RARB: variants seen among roughly 807,000 people sequenced by gnomAD.
The protein encoded by RARB is retinoic acid receptor beta, also known as HBV-activated protein.
A neutral mutation model predicts 51.9 loss-of-function variants in RARB; 17 were observed. That is an observed-to-expected ratio of 0.33 (90% CI 0.22 to 0.49). RARB has a LOEUF of 0.49. Among genes scored for constraint, RARB ranks in the 20% least tolerant of loss-of-function variants. The probability of loss-of-function intolerance (pLI) is 0.99; values close to 1 mark genes in which losing one functional copy is unlikely to be tolerated. For missense variants in RARB, 369 were observed against 550.8 expected, an observed-to-expected ratio of 0.67 and a Z score of 3.30; for synonymous variants, 215 against 195.4, an observed-to-expected ratio of 1.10 and a Z score of -0.84.
intron 5 of RARB, among the ~76,000 whole-genome samples, chr3:25,384,982 T>C (rs1706750018): frequency 1.3e-5 from 2 of 152,220 alleles, no homozygotes; most frequent in Admixed American, 1.3e-4. Flanking sequence ...ACAGTCTGTT[T>C]TGTCATAAAT....
chr3:25,442,745 A>G (rs1351338575), intron 1 of RARB, among the ~76,000 whole-genome samples: 1 of 152,120 alleles, frequency 6.6e-6, no homozygotes, highest in Admixed American at 6.5e-5. Flanking sequence ...GGGCCTGGCA[A>G]GTATTTAGCA....
intron 2 of RARB, among the ~76,000 whole-genome samples, chr3:24,926,842 G>T (rs916753601): frequency 6.6e-6 from 1 of 151,992 alleles, no homozygotes; most frequent in Admixed American, 6.6e-5. Context: ...CCCAAATGAG[G>T]TTTAATATAT....
At position 25,042,135 on chromosome 3, in the gene RARB, C is replaced by G. The variant is rs1414588223; in HGVS notation, c.-379-17990C>G. On this transcript the variant is annotated intron_variant, in intron 2 of 11. Coordinates refer to the RARB transcript ENST00000383772. ...ACTGATGCTAATATGGAAATATTAT[C>G]AGACCTTACCATTTTTCTAAAAAAG... 2.6e-5 allele frequency among the ~76,000 whole-genome samples: 4 copies of G among 152,314 alleles called. No homozygotes were observed. The East Asian group carries it at 7.7e-4, about 29-fold the overall frequency.
chr3:24,931,686 A>T (rs541515799), intron 2 of RARB, among the ~76,000 whole-genome samples: 4 of 152,104 alleles, frequency 2.6e-5, no homozygotes, highest in Admixed American at 1.3e-4. Context: ...GTGTCTTTGC[A>T]AGCACCTGTG....
intron 2 of RARB, among the ~76,000 whole-genome samples, chr3:24,922,688 G>T (rs1695243971): frequency 6.6e-6 from 1 of 152,056 alleles, no homozygotes; most frequent in African/African-American, 2.4e-5. Flanking sequence ...CAGCCCAGAG[G>T]TTGATCAAGG....
At chr3:25,343,004 G>C (rs1705276845) in intron 5 of RARB, among the ~76,000 whole-genome samples, 1 of 145,238 alleles carries the variant, frequency 6.9e-6, no homozygotes, top group South Asian at 2.2e-4. Flanking sequence ...CTGATTTCCT[G>C]TTTACATTTT....
Position 25,461,318 on chromosome 3 carries a change from G to T in RARB, c.283G>T (p.Val95Phe). 1.2e-6 allele frequency: 2 copies of T among 1,613,938 alleles called. No individual in the cohort carries two copies. Among genetic ancestry groups the T allele is most frequent in the Non-Finnish European group, 1.7e-6 (2 of 1,179,972 alleles). The stretch of plus-strand genomic sequence containing the variant: ...CAAATCATCAGGGTACCACTATGGG[G>T]TCAGCGCCTGTGAGGGATGTAAGGT... ...QDKSSGYHYG[V>F]SACEGCKGFF... The change falls in exon 2 of 8, where the codon GTC becomes TTC. Residue 95 changes from valine (V) to phenylalanine (F), a missense_variant. Val to Phe is a conservative substitution (Grantham distance 50). This residue lies in a region of RARB where 10 missense variants were observed against 34.0 expected (regional missense o/e 0.29). Coordinates refer to ENST00000330688, the MANE Select transcript of RARB (RefSeq NM_000965.5).
At chr3:24,848,240 G>C (rs1702509826) in intron 1 of RARB, among the ~76,000 whole-genome samples, 2 of 151,920 alleles carry the variant, frequency 1.3e-5, no homozygotes, top group Admixed American at 1.3e-4. Flanking sequence ...TTGTATTTTT[G>C]GTAGAGACAG....
intron 2 of RARB, among the ~76,000 whole-genome samples, chr3:25,498,314 G>A (rs1298687340): frequency 6.6e-6 from 1 of 152,124 alleles, no homozygotes; most frequent in Non-Finnish European, 1.5e-5. Context: ...GGTCTACAAG[G>A]GAGTGAGGTT....
chr3:24,953,508 C>T (rs1287955828), intron 2 of RARB, among the ~76,000 whole-genome samples: 5 of 152,112 alleles, frequency 3.3e-5, no homozygotes, highest in Non-Finnish European at 4.4e-5. Flanking sequence ...ACATTGTGTT[C>T]ACCTCAGGCG....
At chr3:24,966,939 A>C (rs1385699229) in intron 2 of RARB, among the ~76,000 whole-genome samples, 1 of 152,098 alleles carries the variant, frequency 6.6e-6, no homozygotes, top group Non-Finnish European at 1.5e-5. Flanking sequence ...TTCATTTTCC[A>C]TACTTGGCTC....
intron 5 of RARB, among the ~76,000 whole-genome samples, chr3:25,386,475 T>C (rs192158711): frequency 6.6e-6 from 1 of 152,354 alleles, no homozygotes; most frequent in East Asian, 1.9e-4. Flanking sequence ...GGTTTGTTTT[T>C]GTTTTTGCTT....
At chr3:25,270,430 A>T (rs1234315675) in intron 5 of RARB, among the ~76,000 whole-genome samples, 1 of 152,224 alleles carries the variant, frequency 6.6e-6, no homozygotes, top group Non-Finnish European at 1.5e-5. Context: ...AAAGTAGTCA[A>T]ATTCATAGAG....
intron 2 of RARB, among the ~76,000 whole-genome samples, chr3:24,956,029 T>G (rs768151159): frequency 6.6e-6 from 1 of 152,062 alleles, no homozygotes; most frequent in Non-Finnish European, 1.5e-5. Context: ...TTCGTCAGAT[T>G]AGGAAATTCA....
chr3:25,453,417 T>C (rs952458672), intron 1 of RARB, among the ~76,000 whole-genome samples: 8 of 151,934 alleles, frequency 5.3e-5, no homozygotes, highest in African/African-American at 1.9e-4. Context: ...CTAGCTAATT[T>C]TGTATTTTTA....
chr3:25,033,910 TC>T (rs1575128215), intron 2 of RARB, among the ~76,000 whole-genome samples: 1 of 152,210 alleles, frequency 6.6e-6, no homozygotes, highest in East Asian at 1.9e-4. Context: ...AGACCTTTTC[TC>T]CTCATGAATA....
At chr3:24,972,416 A>G (rs115641404) in intron 2 of RARB, among the ~76,000 whole-genome samples, 1,636 of 152,078 alleles carry the variant, frequency 0.011, 25 homozygotes, top group East Asian at 0.086. Flanking sequence ...TTGATTTCAC[A>G]TTTTAGCTCT....
At chr3:25,143,793 ACTT>A (rs1305924001) in intron 4 of RARB, among the ~76,000 whole-genome samples, 19 of 152,162 alleles carry the variant, frequency 1.2e-4, no homozygotes, top group Non-Finnish European at 2.8e-4. Flanking sequence ...ATGTAGCTGA[ACTT>A]CTTTGGGTCT....
intron 3 of RARB, among the ~76,000 whole-genome samples, chr3:25,568,839 C>T (rs954508325): frequency 3.9e-5 from 6 of 152,206 alleles, no homozygotes; most frequent in Admixed American, 2.6e-4. Context: ...TGGTCTGTTT[C>T]GCCTGTCTGC....
Sources: allele counts gnomAD v4.1 joint callset (sites outside exome capture counted in the v4.1 genomes callset), GRCh38; gene constraint gnomAD v4.1.1; regional missense constraint gnomAD v4.1.1; transcripts MANE v1.5; gene names NCBI Gene and HGNC (gene_info 2026-07-23, HGNC 2026-07-21).